The following NBAS variants were observed in gnomAD, a reference collection of about 807,000 sequenced individuals.
NBAS encodes the protein NBAS subunit of NRZ tethering complex.
NBAS carries 219 observed loss-of-function variants against 302.5 expected under a neutral mutation model. The ratio of observed to expected loss-of-function variants is 0.72; its 90% CI spans 0.65 to 0.81. The LOEUF (loss-of-function observed/expected upper bound fraction) is 0.81, where lower values mean the gene tolerates loss of function less well. NBAS is among the 30% of genes least tolerant of loss of function. NBAS has a pLI of 0.00. For missense variants in NBAS, 2,932 were observed against 2,841.6 expected (o/e 1.03, Z -0.72); for synonymous variants, 1,118 against 1,021.6 (o/e 1.09, Z -1.80).
chr2:15,143,063 T>C, the NBAS span, among the ~76,000 whole-genome samples: 1 of 152,206 alleles, frequency 6.6e-6, no homozygotes, highest in African/African-American at 2.4e-5. Flanking sequence ...AATATGTACT[T>C]GGTTATTTTC....
the NBAS span, among the ~76,000 whole-genome samples, chr2:14,883,205 C>T: frequency 6.6e-6 from 1 of 152,114 alleles, no homozygotes; most frequent in Non-Finnish European, 1.5e-5. Flanking sequence ...GCATATGTGT[C>T]TTCTTGAAAG....
chr2:15,282,834 A>G (rs908955975), intron 42 of NBAS, among the ~76,000 whole-genome samples: 3 of 152,084 alleles, frequency 2.0e-5, no homozygotes, highest in African/African-American at 4.8e-5. Context: ...CCCAGCCACA[A>G]TGGTCTTCCT....
chr2:15,433,338 A>T (rs1677851889), intron 21 of NBAS, among the ~76,000 whole-genome samples: 1 of 152,194 alleles, frequency 6.6e-6, no homozygotes, highest in Middle Eastern at 3.2e-3. Context: ...GGAGAAAATC[A>T]GATTAGTTAG....
the NBAS span, among the ~76,000 whole-genome samples, chr2:15,095,454 C>T: frequency 2.0e-5 from 3 of 152,168 alleles, no homozygotes; most frequent in South Asian, 4.1e-4. Flanking sequence ...TTATTCACTA[C>T]CACGAGAACA....
intron 38 of NBAS, among the ~76,000 whole-genome samples, chr2:15,320,225 C>G (rs1373705251): frequency 6.6e-6 from 1 of 152,150 alleles, no homozygotes; most frequent in Non-Finnish European, 1.5e-5. Flanking sequence ...TCTCAATAAA[C>G]TAGGTACTGA....
At chr2:15,138,158 C>A in the NBAS span, among the ~76,000 whole-genome samples, 3 of 152,072 alleles carry the variant, frequency 2.0e-5, no homozygotes, top group Non-Finnish European at 4.4e-5. Flanking sequence ...GAGCTGAGAG[C>A]AGAGGATGGG....
At chr2:15,492,149 T>C (rs1337345421) in intron 11 of NBAS, among the ~76,000 whole-genome samples, 1 of 152,230 alleles carries the variant, frequency 6.6e-6, no homozygotes, top group East Asian at 1.9e-4. Context: ...AATATCCACA[T>C]ACCCAACCTG....
intron 35 of NBAS, among the ~76,000 whole-genome samples, chr2:15,338,748 G>A (rs1019990939): frequency 6.0e-5 from 9 of 150,896 alleles, no homozygotes; most frequent in African/African-American, 2.0e-4. Context: ...AGTGGCTCAC[G>A]CCTGTAATCC....
chr2:15,371,708 C>T (rs1674494139), intron 31 of NBAS, among the ~76,000 whole-genome samples: 1 of 152,118 alleles, frequency 6.6e-6, no homozygotes, highest in Admixed American at 6.5e-5. Flanking sequence ...GCCTTGTCCC[C>T]ATCATTATTT....
the NBAS span, among the ~76,000 whole-genome samples, chr2:15,001,394 T>C: frequency 2.9e-4 from 44 of 152,292 alleles, no homozygotes; most frequent in African/African-American, 9.9e-4. Context: ...CCAAAATCAC[T>C]TATTGAATAT....
the NBAS span, among the ~76,000 whole-genome samples, chr2:15,097,378 A>G: frequency 7.9e-4 from 120 of 152,294 alleles, no homozygotes; most frequent in African/African-American, 2.7e-3. Flanking sequence ...TCAGAAGTAT[A>G]AAGTCATGAG....
At chr2:15,463,695 C>T (rs914081023) in intron 19 of NBAS, among the ~76,000 whole-genome samples, 7 of 145,820 alleles carry the variant, frequency 4.8e-5, no homozygotes, top group Non-Finnish European at 9.0e-5. Context: ...GCTATGAAGT[C>T]ACTGAAGATA....
At chr2:15,357,995 C>T (rs1195149088) in intron 32 of NBAS, among the ~76,000 whole-genome samples, 1 of 152,128 alleles carries the variant, frequency 6.6e-6, no homozygotes. Flanking sequence ...GGGAAATGGA[C>T]TTAAGAAAAT....
chr2:15,503,898 C>T lies in NBAS; in HGVS notation c.954+247G>A, dbSNP rs540464778. 7.2e-5 allele frequency among the ~76,000 whole-genome samples: 11 copies of T among 152,228 alleles called. 1 individual carries two copies. The South Asian group carries it at 1.5e-3, about 20-fold the overall frequency. ...AATTCCTTGAGCTATATTCCCAGAT[C>T]CCCAAGAGGGCTGGGTATATTCTCT... On this transcript the variant is annotated intron_variant, in intron 11 of 51. Transcript: ENST00000281513.
chr2:15,119,106 G>C, the NBAS span, among the ~76,000 whole-genome samples: 1 of 151,946 alleles, frequency 6.6e-6, no homozygotes, highest in East Asian at 1.9e-4. Flanking sequence ...TCTCCTCATG[G>C]GGGTGTTCAT....
chr2:15,482,922 C>T (rs1284291630), intron 12 of NBAS, among the ~76,000 whole-genome samples: 1 of 152,138 alleles, frequency 6.6e-6, no homozygotes, highest in Non-Finnish European at 1.5e-5. Flanking sequence ...TGTCTCCCCA[C>T]CCGACATATT....
chr2:15,471,781 T>C (rs574181630), intron 16 of NBAS, among the ~76,000 whole-genome samples: 1 of 152,192 alleles, frequency 6.6e-6, no homozygotes, highest in Non-Finnish European at 1.5e-5. Flanking sequence ...GAGCCTTCTT[T>C]CTCTCTCTCT....
At chr2:15,050,957 C>G in the NBAS span, among the ~76,000 whole-genome samples, 1 of 152,150 alleles carries the variant, frequency 6.6e-6, no homozygotes, top group Non-Finnish European at 1.5e-5. Context: ...CCTGGTTTTC[C>G]TCCTCACAGT....
intron 48 of NBAS, among the ~76,000 whole-genome samples, chr2:15,216,153 T>C (rs1481834931): frequency 6.6e-6 from 1 of 152,232 alleles, no homozygotes; most frequent in South Asian, 2.1e-4. Context: ...CACTCACTGA[T>C]TTACTTCTTG....
Sources: allele counts gnomAD v4.1 joint callset (sites outside exome capture counted in the v4.1 genomes callset), GRCh38; gene constraint gnomAD v4.1.1; transcripts MANE v1.5; gene names NCBI Gene and HGNC (gene_info 2026-07-23, HGNC 2026-07-21).